KCNH8: variants seen among roughly 807,000 people sequenced by gnomAD.
KCNH8 encodes voltage-gated delayed rectifier potassium channel KCNH8.
Under a neutral mutation model 103.6 loss-of-function variants are expected in KCNH8, and 70 were observed. That is an observed-to-expected ratio of 0.68 (90% CI 0.56 to 0.82). The LOEUF is 0.82. Among genes scored for constraint, KCNH8 ranks in the 40% least tolerant of loss-of-function variants. The pLI is 0.00. For missense variants in KCNH8, 1,217 were observed against 1,329.9 expected, an observed-to-expected ratio of 0.92 and a Z score of 1.32; for synonymous variants, 498 against 489.4, an observed-to-expected ratio of 1.02 and a Z score of -0.23.
At chr3:19,168,005 C>T (rs550685847) in intron 1 of KCNH8, among the ~76,000 whole-genome samples, 2 of 151,202 alleles carry the variant, frequency 1.3e-5, no homozygotes, top group African/African-American at 2.4e-5. Context: ...TCACCTCTCT[C>T]CACTTCTTTT....
intron 5 of KCNH8, among the ~76,000 whole-genome samples, chr3:19,353,380 T>G (rs2065832374): frequency 6.6e-6 from 1 of 152,182 alleles, no homozygotes; most frequent in South Asian, 2.1e-4. Flanking sequence ...CTTACTCATT[T>G]TATGAGGTCA....
chr3:19,243,805 GA>G (rs1277854345), intron 1 of KCNH8, among the ~76,000 whole-genome samples: 1 of 152,030 alleles, frequency 6.6e-6, no homozygotes, highest in African/African-American at 2.4e-5. Context: ...CAGTCAGTTT[GA>G]AATTAAAAAG....
chr3:19,209,047 A>G (rs1269433507), intron 1 of KCNH8, among the ~76,000 whole-genome samples: 1 of 151,968 alleles, frequency 6.6e-6, no homozygotes, highest in Non-Finnish European at 1.5e-5. Flanking sequence ...GTCTATATAT[A>G]GTATATAAAT....
chr3:19,202,620 A>G (rs1221730646), intron 1 of KCNH8, among the ~76,000 whole-genome samples: 1 of 152,134 alleles, frequency 6.6e-6, no homozygotes, highest in Admixed American at 6.6e-5. Context: ...TGCTTTTGGT[A>G]TGGGAAGTAT....
chr3:19,493,125 G>T (rs1237901422), intron 11 of KCNH8, among the ~76,000 whole-genome samples: 1 of 152,002 alleles, frequency 6.6e-6, no homozygotes. Context: ...TAGCCTCTTG[G>T]CAGAGTCTTT....
chr3:19,453,066 G>T (rs1232386459), intron 10 of KCNH8, among the ~76,000 whole-genome samples: 2 of 152,090 alleles, frequency 1.3e-5, no homozygotes, highest in Non-Finnish European at 2.9e-5. Context: ...GGATTGAACT[G>T]GAGGCCATTA....
At chr3:19,403,544 C>G (rs1228847407) in intron 7 of KCNH8, among the ~76,000 whole-genome samples, 1 of 150,360 alleles carries the variant, frequency 6.7e-6, no homozygotes, top group Non-Finnish European at 1.5e-5. Flanking sequence ...TACTGACTAC[C>G]CATACAGGTA....
intron 1 of KCNH8, among the ~76,000 whole-genome samples, chr3:19,150,312 A>T (rs1470401835): frequency 6.6e-6 from 1 of 151,808 alleles, no homozygotes; most frequent in Admixed American, 6.6e-5. Context: ...CTATTTTACT[A>T]TTCATTACCT....
At chr3:19,356,970 C>G (rs1341560587) in intron 5 of KCNH8, among the ~76,000 whole-genome samples, 1 of 151,380 alleles carries the variant, frequency 6.6e-6, no homozygotes, top group African/African-American at 2.4e-5. Flanking sequence ...TCCATAGGTT[C>G]AACAGTTATC....
At chr3:19,227,938 T>C (rs1298210071) in intron 1 of KCNH8, among the ~76,000 whole-genome samples, 1 of 152,188 alleles carries the variant, frequency 6.6e-6, no homozygotes, top group Admixed American at 6.5e-5. Flanking sequence ...TATAATGTTA[T>C]GCACTTTCAT....
At chr3:19,202,526 G>T (rs1385878953) in intron 1 of KCNH8, among the ~76,000 whole-genome samples, 1 of 152,042 alleles carries the variant, frequency 6.6e-6, no homozygotes, top group East Asian at 1.9e-4. Context: ...GTCCTCAGGG[G>T]CTGAGAACAG....
At position 19,276,175 on chromosome 3, in the gene KCNH8, ATGTG is replaced by A. The variant is rs59768467; in HGVS notation, c.311-4989_311-4986del. 2.9e-3 allele frequency among the ~76,000 whole-genome samples: 408 copies of A among 141,972 alleles called. 2 individuals carry two copies. Among genetic ancestry groups the A allele is most frequent in the African/African-American group, 6.1e-3 (239 of 38,906 alleles). The allele number at this position is 141,972 out of a possible 152,430, so 93.1% of individuals were successfully genotyped here. The stretch of plus-strand genomic sequence containing the variant: ...TCCCCACTCCCACCCCAATATGTAT[ATGTG>A]TGTGTGTGTGTGTGTGTGTGTGTGT... On this transcript the variant is annotated intron_variant, in intron 2 of 15. Transcript: ENST00000328405.
chr3:19,473,179 T>G (rs2067898994), intron 11 of KCNH8, among the ~76,000 whole-genome samples: 1 of 152,234 alleles, frequency 6.6e-6, no homozygotes, highest in Non-Finnish European at 1.5e-5. Context: ...TAACATAATC[T>G]GCCACAAATC....
At position 19,256,461 on chromosome 3, in the gene KCNH8, A is replaced by T. The variant is rs538915847; in HGVS notation, c.310+2574A>T. On this transcript the variant is annotated intron_variant, in intron 2 of 15. Coordinates refer to ENST00000328405, the MANE Select transcript of KCNH8 (RefSeq NM_144633.3). ...GGAGGCCTGAGATAAAAGAAAATGC[A>T]GGATGTTGCTGAGAATGCAGACTGG... is the stretch of plus-strand genomic sequence containing the variant. Among the ~76,000 whole-genome samples the T allele has an allele frequency of 5.9e-5, 9 of 152,262 alleles. No homozygotes were observed. In the South Asian group the frequency reaches 1.4e-3, roughly 25 times the overall value.
intron 15 of KCNH8, among the ~76,000 whole-genome samples, chr3:19,528,068 T>C (rs112456864): frequency 2.6e-5 from 4 of 151,690 alleles, no homozygotes; most frequent in African/African-American, 9.7e-5. Context: ...TGGATTCTTA[T>C]CCATGGAAGA....
At chr3:19,157,563 A>G in intron 1 of KCNH8, among the ~76,000 whole-genome samples, 1 of 152,184 alleles carries the variant, frequency 6.6e-6, no homozygotes, top group Non-Finnish European at 1.5e-5. Context: ...GGCAAGTCAA[A>G]AGTTATAAAA....
chr3:19,194,304 T>G (rs946073644), intron 1 of KCNH8, among the ~76,000 whole-genome samples: 3 of 151,512 alleles, frequency 2.0e-5, no homozygotes, highest in Non-Finnish European at 4.4e-5. Flanking sequence ...TATTGTTATC[T>G]TCATCATCTT....
chr3:19,373,275 GC>G (rs1437494699), intron 5 of KCNH8, among the ~76,000 whole-genome samples: 1 of 152,114 alleles, frequency 6.6e-6, no homozygotes, highest in African/African-American at 2.4e-5. Context: ...ATTGATTATT[GC>G]CAGAATTTCA....
At position 19,533,909 on chromosome 3, in the gene KCNH8, T is replaced by C; in HGVS notation, c.3134T>C (p.Val1045Ala). The change falls in exon 16 of 16, where the codon GTT becomes GCT. Residue 1045 changes from valine (V) to alanine (A), a missense_variant. Val to Ala is a moderately conservative substitution (Grantham distance 64). Transcript: ENST00000328405. ...TCTTCGGAAACATCTTTGCACCTAGTTCTCCCAAGCAGATCAGAGGAGGGC... is the reference window on the plus strand; with the variant it reads ...TCTTCGGAAACATCTTTGCACCTAGCTCTCCCAAGCAGATCAGAGGAGGGC... ...CSSSETSLHL[V>A]LPSRSEEGSF... is the part of the protein sequence containing the mutation. 6.2e-7 allele frequency: 1 copy of C among 1,614,136 alleles called. No individual in the cohort carries two copies. The highest frequency in any genetic ancestry group is 2.2e-5 in the East Asian group (1 of 44,858).
Sources: gnomAD v4.1 joint callset for allele counts (sites outside exome capture counted in the v4.1 genomes callset) on GRCh38, gnomAD v4.1.1 for gene constraint, MANE v1.5 for transcripts, NCBI Gene and HGNC (gene_info 2026-07-23, HGNC 2026-07-21) for gene names.